The following RGS20 variants were observed in gnomAD, a reference collection of about 807,000 sequenced individuals.
RGS20 encodes gz-selective GTPase-activating protein.
A neutral mutation model predicts 33.6 loss-of-function variants in RGS20; 30 were observed. That is an observed-to-expected ratio of 0.89 (90% CI 0.67 to 1.21). The LOEUF is 1.21. RGS20 is among the 50% of genes most tolerant of loss of function. The pLI is 0.00. For synonymous variants in RGS20, 208 were observed against 197.9 expected, an observed-to-expected ratio of 1.05 and a Z score of -0.43; for missense variants, 472 against 502.4, an observed-to-expected ratio of 0.94 and a Z score of 0.58.
intron 1 of RGS20, among the ~76,000 whole-genome samples, chr8:53,853,664 G>C (rs1056481391): frequency 2.0e-5 from 3 of 152,316 alleles, no homozygotes; most frequent in African/African-American, 7.2e-5. Context: ...AGATACCATT[G>C]AATCCTTACT....
At chr8:53,871,112 CAAAAAAA>C (rs370091533) in intron 1 of RGS20, among the ~76,000 whole-genome samples, 8 of 21,470 alleles carry the variant, frequency 3.7e-4, no homozygotes, top group Non-Finnish European at 5.3e-4. Flanking sequence ...CTCCATCTCA[CAAAAAAA>C]AAAAAAAAAA....
intron 2 of RGS20, among the ~76,000 whole-genome samples, chr8:53,902,224 C>A (rs181669310): frequency 5.9e-5 from 9 of 152,156 alleles, no homozygotes; most frequent in Admixed American, 1.3e-4. Flanking sequence ...GCCATGTTGC[C>A]CAGGCCGGTC....
chr8:53,908,949 G>T (rs949987052), intron 2 of RGS20, among the ~76,000 whole-genome samples: 2 of 151,658 alleles, frequency 1.3e-5, no homozygotes, highest in Admixed American at 6.6e-5. Flanking sequence ...TAAAATATTG[G>T]CATGATGGAT....
At chr8:53,930,299 T>C (rs567706667) in intron 2 of RGS20, among the ~76,000 whole-genome samples, 3 of 152,296 alleles carry the variant, frequency 2.0e-5, no homozygotes, top group African/African-American at 7.2e-5. Context: ...GGGGAAGATA[T>C]CATTTATGAC....
chr8:53,945,048 T>C lies in RGS20; in HGVS notation c.660-1617T>C, dbSNP rs560698747. 1.7e-3 allele frequency among the ~76,000 whole-genome samples: 260 copies of C among 152,254 alleles called. 1 individual carries two copies. Among genetic ancestry groups the C allele is most frequent in the Middle Eastern group, 3.4e-3 (1 of 294 alleles). ...ATTGCCTTGTAAAACAGTTTGGGAG[T>C]TCCTCAAAATGTTAAAACTCAAGTT... On this transcript the variant is annotated intron_variant, in intron 3 of 5. Coordinates refer to ENST00000297313, the MANE Select transcript of RGS20 (RefSeq NM_170587.4).
At chr8:53,867,456 A>C (rs1283881789) in intron 1 of RGS20, among the ~76,000 whole-genome samples, 1 of 152,180 alleles carries the variant, frequency 6.6e-6, no homozygotes, top group Non-Finnish European at 1.5e-5. Flanking sequence ...CTTGTTTTAC[A>C]GACTAACAAT....
At chr8:53,874,378 GT>G (rs1812147527) in intron 1 of RGS20, among the ~76,000 whole-genome samples, 4 of 145,636 alleles carry the variant, frequency 2.7e-5, no homozygotes, top group Non-Finnish European at 4.5e-5. Flanking sequence ...GTGTGTGTGT[GT>G]GTGTGTGTGT....
At chr8:53,912,756 G>A (rs1252142967) in intron 2 of RGS20, among the ~76,000 whole-genome samples, 2 of 152,082 alleles carry the variant, frequency 1.3e-5, no homozygotes, top group African/African-American at 4.8e-5. Flanking sequence ...TGAGTAAAAT[G>A]TTTTAAAAGA....
chr8:53,926,705 A>T (rs747573234), intron 2 of RGS20, among the ~76,000 whole-genome samples: 1 of 152,112 alleles, frequency 6.6e-6, no homozygotes, highest in Non-Finnish European at 1.5e-5. Flanking sequence ...TGAGGTCAGG[A>T]ATTCGACACC....
chr8:53,910,010 T>A (rs1450454283), intron 2 of RGS20, among the ~76,000 whole-genome samples: 1 of 152,166 alleles, frequency 6.6e-6, no homozygotes, highest in African/African-American at 2.4e-5. Flanking sequence ...CTGGGCTGGG[T>A]TCATACATTT....
chr8:53,900,775 C>T (rs1812994409), intron 2 of RGS20, among the ~76,000 whole-genome samples: 1 of 152,144 alleles, frequency 6.6e-6, no homozygotes, highest in Non-Finnish European at 1.5e-5. Context: ...CCTATGCTCT[C>T]CTCCCGCTAT....
At chr8:53,863,527 T>C (rs1811855058) in intron 1 of RGS20, among the ~76,000 whole-genome samples, 1 of 152,180 alleles carries the variant, frequency 6.6e-6, no homozygotes, top group African/African-American at 2.4e-5. Flanking sequence ...GGCTCAGTTG[T>C]AACTAACTGA....
intron 3 of RGS20, chr8:53,945,220 A>T (rs1814438703): frequency 6.6e-6 from 1 of 152,230 alleles, no homozygotes; most frequent in Non-Finnish European, 1.5e-5. Context: ...TCTGCTGATG[A>T]ATGGACAAAC....
intron 2 of RGS20, among the ~76,000 whole-genome samples, chr8:53,887,847 G>A (rs1042850559): frequency 6.6e-6 from 1 of 152,010 alleles, no homozygotes; most frequent in Non-Finnish European, 1.5e-5. Flanking sequence ...GTGTGGTGGT[G>A]CACACCTGTA....
intron 1 of RGS20, among the ~76,000 whole-genome samples, chr8:53,874,937 A>G (rs939417884): frequency 3.9e-5 from 6 of 152,204 alleles, no homozygotes; most frequent in African/African-American, 1.4e-4. Flanking sequence ...TCAACCTATA[A>G]CACAGGGTAA....
At position 53,944,942 on chromosome 8, in the gene RGS20, A is replaced by G. The variant is rs929145394; in HGVS notation, c.660-1723A>G. ...CCACTTCTCACCCACTTATGAAGCT[A>G]GAATAAAAAAGACAACAGTAACTGT... On this transcript the variant is annotated intron_variant, in intron 3 of 5. Transcript: ENST00000297313. 3.9e-5 allele frequency among the ~76,000 whole-genome samples: 6 copies of G among 152,204 alleles called. No homozygotes were observed. In the East Asian group the frequency reaches 7.7e-4, roughly 20 times the overall value.
intron 2 of RGS20, among the ~76,000 whole-genome samples, chr8:53,895,127 G>A (rs765423118): frequency 3.9e-5 from 6 of 152,264 alleles, no homozygotes; most frequent in South Asian, 2.1e-4. Flanking sequence ...CAGGCCTGGC[G>A]TGAGTCCTGG....
intron 5 of RGS20, among the ~76,000 whole-genome samples, chr8:53,956,920 G>T (rs1180551484): frequency 1.3e-5 from 2 of 152,140 alleles, no homozygotes; most frequent in Non-Finnish European, 2.9e-5. Context: ...GGCCGAAGCA[G>T]GCAGATCACC....
chr8:53,868,403 G>T (rs2129270673), intron 1 of RGS20, among the ~76,000 whole-genome samples: 1 of 152,274 alleles, frequency 6.6e-6, no homozygotes, highest in African/African-American at 2.4e-5. Flanking sequence ...ACAGCCAGGA[G>T]GTGGGTCTGG....
Sources: allele counts gnomAD v4.1 joint callset (sites outside exome capture counted in the v4.1 genomes callset), GRCh38; gene constraint gnomAD v4.1.1; transcripts MANE v1.5; gene names NCBI Gene and HGNC (gene_info 2026-07-23, HGNC 2026-07-21).